The following SFI1 variants were observed in gnomAD, a reference collection of about 807,000 sequenced individuals.
SFI1 encodes protein SFI1 homolog.
A neutral mutation model predicts 207.5 loss-of-function variants in SFI1; 195 were observed. The ratio of observed to expected loss-of-function variants is 0.94; its 90% CI spans 0.84 to 1.06. The LOEUF (loss-of-function observed/expected upper bound fraction) is 1.06, where lower values mean the gene tolerates loss of function less well. SFI1 is among the 50% of genes least tolerant of loss of function. The pLI is 0.00. For synonymous variants in SFI1, 630 were observed against 598.9 expected, an observed-to-expected ratio of 1.05 and a Z score of -0.76; for missense variants, 1,634 against 1,588.0, an observed-to-expected ratio of 1.03 and a Z score of -0.49.
chr22:31,555,352 G>C (rs537211373), intron 6 of SFI1, among the ~76,000 whole-genome samples: 277 of 152,258 alleles, frequency 1.8e-3, no homozygotes, highest in Non-Finnish European at 3.1e-3. Flanking sequence ...AGCCAGGTGT[G>C]GTGGTGCATG....
chr22:31,618,251 T>C (rs2072161566), intron 32 of SFI1, 25 bp downstream of exon 32: 4 of 1,597,354 alleles, frequency 2.5e-6, no homozygotes, highest in South Asian at 2.3e-5. Context: ...CATCCCCAGG[T>C]GTCCCTGGGG....
chr22:31,507,326 C>G (rs942098755), intron 1 of SFI1, among the ~76,000 whole-genome samples: 1 of 152,122 alleles, frequency 6.6e-6, no homozygotes, highest in Admixed American at 6.6e-5. Context: ...AGCTGGACCC[C>G]TTCTTTACAC....
intron 15 of SFI1, among the ~76,000 whole-genome samples, chr22:31,595,646 C>G (rs1053594527): frequency 6.6e-6 from 1 of 152,138 alleles, no homozygotes. Context: ...CACGTGTCCC[C>G]AGTCATGTCA....
At chr22:31,605,486 C>A in intron 20 of SFI1, 1 of 153,010 alleles carries the variant, frequency 6.5e-6, no homozygotes, top group Non-Finnish European at 1.5e-5. Context: ...CCACATGCCC[C>A]CTTTCATTTC....
chr22:31,613,049 G>A (rs1468517361), intron 24 of SFI1, 93 bp from the exon 25 acceptor site: 11 of 1,381,366 alleles, frequency 8.0e-6, no homozygotes, highest in Non-Finnish European at 1.1e-5. Context: ...GACTAGAGAG[G>A]GAGCCAAGAG....
Position 31,613,236 on chromosome 22 carries a change from C to A in SFI1, c.2565+20C>A. The A allele has an allele frequency of 6.2e-7, 1 of 1,613,280 alleles. No homozygotes were observed. Among genetic ancestry groups the A allele is most frequent in the South Asian group, 1.1e-5 (1 of 91,042 alleles). The stretch of plus-strand genomic sequence containing the variant: ...GCAAAGGTAATTGGGGCTCTGCATC[C>A]TACCATCCCTGCCTCTCCCTCAGGC... On this transcript the variant is annotated intron_variant, in intron 25 of 32. Coordinates refer to ENST00000400288, the MANE Select transcript of SFI1 (RefSeq NM_001007467.3).
rs1160739366 is a variant in SFI1 at position 31,585,162 on chromosome 22, C to G, written c.1413+28C>G. On this transcript the variant is annotated intron_variant, in intron 14 of 32. Transcript: ENST00000400288. ...ATGGAGTACTTTTTAGCAGATAGCTCTACTGGCTTACATTCTTGGACCCAT... is the reference window on the plus strand; with the variant it reads ...ATGGAGTACTTTTTAGCAGATAGCTGTACTGGCTTACATTCTTGGACCCAT... 1.2e-5 allele frequency: 19 copies of G among 1,584,966 alleles called. No homozygotes were observed. The East Asian group carries it at 4.0e-4, about 34-fold the overall frequency.
chr22:31,617,110 C>T, intron 31 of SFI1, 32 bp downstream of exon 31: 1 of 1,611,346 alleles, frequency 6.2e-7, no homozygotes, highest in Non-Finnish European at 8.5e-7. Context: ...GCAGCCCTGG[C>T]TACAGGAGCA....
chr22:31,599,129 G>A (rs2067693474), intron 15 of SFI1, among the ~76,000 whole-genome samples: 1 of 149,064 alleles, frequency 6.7e-6, no homozygotes, highest in Admixed American at 6.6e-5. Context: ...TGATTTTAGG[G>A]TCCTCCCTAA....
In SFI1 at chr22:31,575,254, G is replaced by A. The variant is rs1603064256; in HGVS notation, c.946G>A (p.Val316Ile). Residue 316 changes from valine (V) to isoleucine (I), a missense_variant, in exon 10 of 33, where the codon GTC (valine) becomes ATC (isoleucine). Transcript: ENST00000400288. The stretch of plus-strand genomic sequence containing the variant: ...AGAGATGGCTGAGCGATTCCATCAT[G>A]TCACTGTGCTCCAGATATACTTCTG... ...QNEMAERFHHVTVLQIYFCDW... is the reference protein window; with the variant it reads ...QNEMAERFHHITVLQIYFCDW... The A allele has an allele frequency of 6.2e-7, 1 of 1,611,466 alleles. No homozygotes were observed. Among genetic ancestry groups the A allele is most frequent in the East Asian group, 2.2e-5 (1 of 44,784 alleles).
chr22:31,554,364 A>G (rs2148097280), intron 6 of SFI1, among the ~76,000 whole-genome samples: 1 of 152,006 alleles, frequency 6.6e-6, no homozygotes, highest in African/African-American at 2.4e-5. Flanking sequence ...GCTGGAGTGC[A>G]GTGGCACGAT....
At chr22:31,514,163 AT>A (rs200775759) in intron 2 of SFI1, among the ~76,000 whole-genome samples, 19,795 of 134,532 alleles carry the variant, frequency 0.15, 1,770 homozygotes, top group East Asian at 0.32. Context: ...AAAAAAAAAA[AT>A]GTAGTACTGA....
chr22:31,587,907 G>A (rs2065255347), intron 14 of SFI1: 1 of 152,192 alleles, frequency 6.6e-6, no homozygotes, highest in Admixed American at 6.5e-5. Context: ...GACATTTGAT[G>A]GGTAAGCCTG....
chr22:31,529,799 G>A lies in SFI1; in HGVS notation c.266+936G>A, dbSNP rs534319164. Among the ~76,000 whole-genome samples the A allele has an allele frequency of 7.9e-5, 12 of 152,204 alleles. No individual in the cohort carries two copies. In the South Asian group the frequency reaches 2.5e-3, roughly 32 times the overall value. On this transcript the variant is annotated intron_variant, in intron 3 of 32. Coordinates refer to ENST00000400288, the MANE Select transcript of SFI1 (RefSeq NM_001007467.3). ...AGTGGAGTTTAAGCTCAGCCCTGAA[G>A]GATAATGTAAGAATAAGCCAGATAA...
chr22:31,599,395 C>T (rs888106528), intron 15 of SFI1, among the ~76,000 whole-genome samples: 17 of 151,884 alleles, frequency 1.1e-4, no homozygotes, highest in African/African-American at 4.1e-4. Context: ...GGCACAATCT[C>T]GGCTCACTGC....
chr22:31,503,706 G>A (rs2054182535), intron 1 of SFI1, among the ~76,000 whole-genome samples: 3 of 147,926 alleles, frequency 2.0e-5, no homozygotes, highest in Admixed American at 6.9e-5. Flanking sequence ...TCTTGTTTCA[G>A]CCTCCCAAGT....
intron 4 of SFI1, among the ~76,000 whole-genome samples, chr22:31,546,432 G>T (rs778284799): frequency 3.3e-5 from 5 of 152,058 alleles, no homozygotes; most frequent in Non-Finnish European, 7.4e-5. Flanking sequence ...CCGGGTTCAA[G>T]CAATTCTCCT....
At chr22:31,530,684 C>T in intron 3 of SFI1, 1 of 466,454 alleles carries the variant, frequency 2.1e-6, no homozygotes, top group Non-Finnish European at 4.4e-6. Context: ...GAACAGAGTG[C>T]TGAGAGTACA....
chr22:31,505,627 CA>C (rs890820148), intron 1 of SFI1, among the ~76,000 whole-genome samples: 2 of 150,042 alleles, frequency 1.3e-5, no homozygotes, highest in African/African-American at 4.9e-5. Context: ...TCTCTACACA[CA>C]AAAAAAGGCA....
Sources: gnomAD v4.1 joint callset for allele counts (sites outside exome capture counted in the v4.1 genomes callset) on GRCh38, gnomAD v4.1.1 for gene constraint, MANE v1.5 for transcripts, NCBI Gene and HGNC (gene_info 2026-07-23, HGNC 2026-07-21) for gene names.